The following SAMMSON variants were observed in gnomAD, a reference collection of about 807,000 sequenced individuals.
SAMMSON encodes survival associated mitochondrial melanoma specific oncogenic non-coding RNA, also known as long intergenic non-protein coding RNA 1212.
chr3:70,214,708 T>C (rs1388530425), intron 4 of SAMMSON, among the ~76,000 whole-genome samples: 1 of 151,958 alleles, frequency 6.6e-6, no homozygotes, highest in Non-Finnish European at 1.5e-5. Context: ...GTGATGTACT[T>C]TTATAGCTAG....
intron 4 of SAMMSON, among the ~76,000 whole-genome samples, chr3:70,165,406 A>C (rs984388793): frequency 6.6e-6 from 1 of 151,922 alleles, no homozygotes; most frequent in Non-Finnish European, 1.5e-5. Context: ...ATCCTTATAG[A>C]AGAGGCCCCA....
intron 3 of SAMMSON, among the ~76,000 whole-genome samples, chr3:70,055,151 G>T (rs2067162354): frequency 6.6e-6 from 1 of 151,994 alleles, no homozygotes; most frequent in East Asian, 1.9e-4. Flanking sequence ...ATGATCCAAG[G>T]GTTGGGGTGA....
chr3:70,331,799 C>G (rs893846640), intron 7 of SAMMSON, among the ~76,000 whole-genome samples: 15 of 152,166 alleles, frequency 9.9e-5, no homozygotes, highest in African/African-American at 3.1e-4. Flanking sequence ...TGATTCTATT[C>G]ACAGAAGACT....
intron 3 of SAMMSON, among the ~76,000 whole-genome samples, chr3:70,049,813 A>G (rs761515560): frequency 2.6e-5 from 4 of 152,120 alleles, no homozygotes; most frequent in Non-Finnish European, 5.9e-5. Flanking sequence ...CAGTCACTTT[A>G]TAAGTCCCTG....
At chr3:70,365,302 A>AGTGTGTATATACACACACATATATAT (rs1559573455) in intron 9 of SAMMSON, among the ~76,000 whole-genome samples, 9 of 151,146 alleles carry the variant, frequency 6.0e-5, no homozygotes, top group African/African-American at 1.9e-4. Flanking sequence ...TTGCCATTGG[A>AGTGTGTATATACACACACATATATAT]GTGTGTATAT....
intron 4 of SAMMSON, among the ~76,000 whole-genome samples, chr3:70,244,727 G>A (rs1039400793): frequency 1.3e-5 from 2 of 152,170 alleles, no homozygotes; most frequent in Admixed American, 1.3e-4. Context: ...GAATCATTAT[G>A]CTCTTATGAA....
intron 4 of SAMMSON, among the ~76,000 whole-genome samples, chr3:70,091,490 T>C (rs143400154): frequency 1.3e-5 from 2 of 152,196 alleles, no homozygotes; most frequent in African/African-American, 2.4e-5. Context: ...TTATGGCACA[T>C]TGATAATTCG....
chr3:70,215,870 A>T (rs1701402900), intron 4 of SAMMSON, among the ~76,000 whole-genome samples: 1 of 152,124 alleles, frequency 6.6e-6, no homozygotes, highest in Non-Finnish European at 1.5e-5. Flanking sequence ...AGGTTTTCTG[A>T]GTACATCCCA....
intron 3 of SAMMSON, among the ~76,000 whole-genome samples, chr3:70,059,049 T>C (rs1340716472): frequency 6.6e-6 from 1 of 152,090 alleles, no homozygotes. Flanking sequence ...TTCCAGAGCC[T>C]GGGCTATATC....
chr3:70,263,193 T>C (rs535420704), intron 6 of SAMMSON, among the ~76,000 whole-genome samples: 1 of 152,330 alleles, frequency 6.6e-6, no homozygotes. Flanking sequence ...TTTTTCCTTC[T>C]GGTTATGGAT....
At chr3:70,201,951 G>GGTGGT (rs1559533839) in intron 4 of SAMMSON, among the ~76,000 whole-genome samples, 1 of 152,156 alleles carries the variant, frequency 6.6e-6, no homozygotes, top group African/African-American at 2.4e-5. Context: ...CTTTGCTTTG[G>GGTGGT]GTGGTGTCTT....
At chr3:70,350,699 T>C (rs1253181365) in intron 7 of SAMMSON, among the ~76,000 whole-genome samples, 1 of 152,288 alleles carries the variant, frequency 6.6e-6, no homozygotes, top group African/African-American at 2.4e-5. Flanking sequence ...AGGAAGAAGA[T>C]GAAATGAATA....
At chr3:70,418,882 T>C (rs551183651) in intron 2 of SAMMSON, among the ~76,000 whole-genome samples, 1 of 152,144 alleles carries the variant, frequency 6.6e-6, no homozygotes, top group African/African-American at 2.4e-5. Flanking sequence ...CAGAAGGCTC[T>C]AATGGAACTC....
intron 3 of SAMMSON, among the ~76,000 whole-genome samples, chr3:70,029,336 G>A (rs1375213517): frequency 2.0e-5 from 3 of 152,122 alleles, no homozygotes. Context: ...CAATGGATGA[G>A]ACCAATGTGG....
At position 70,159,145 on chromosome 3, in the gene SAMMSON, T is replaced by C. The variant is rs140055879; in HGVS notation, n.507+87580T>C. Among the ~76,000 whole-genome samples, 116 of 152,238 alleles carry C rather than the reference T, an allele frequency of 7.6e-4. No individual in the cohort carries two copies. In the East Asian group the frequency reaches 0.021, roughly 27 times the overall value. Reference sequence around the variant, plus strand: ...GATACCCAAAATATATTTTCATACATGTAAGGTTTTTATCTTTTCCTTTTA... The same window carrying C: ...GATACCCAAAATATATTTTCATACACGTAAGGTTTTTATCTTTTCCTTTTA... On this transcript the variant is annotated intron_variant and non_coding_transcript_variant, in intron 4 of 9. Transcript: ENST00000642114.
chr3:70,172,828 C>G (rs1164529430), intron 4 of SAMMSON: 1 of 151,804 alleles, frequency 6.6e-6, no homozygotes, highest in African/African-American at 2.4e-5. Flanking sequence ...AATCTGAGTT[C>G]TTAATTTTAA....
chr3:70,062,847 G>A (rs1362529859), intron 3 of SAMMSON, among the ~76,000 whole-genome samples: 1 of 152,088 alleles, frequency 6.6e-6, no homozygotes, highest in East Asian at 1.9e-4. Flanking sequence ...ACCTGCAGCC[G>A]TGAGCTCAGT....
At chr3:70,138,845 G>A (rs2067516503) in intron 4 of SAMMSON, among the ~76,000 whole-genome samples, 1 of 152,074 alleles carries the variant, frequency 6.6e-6, no homozygotes, top group Admixed American at 6.6e-5. Context: ...AAATATAATG[G>A]TGGGAGAGCA....
At chr3:70,396,825 T>C (rs1021570802) in intron 2 of SAMMSON, among the ~76,000 whole-genome samples, 7 of 152,186 alleles carry the variant, frequency 4.6e-5, no homozygotes, top group African/African-American at 1.7e-4. Flanking sequence ...TCTCCAGTTA[T>C]TGTGTTGGGA....
Sources: gnomAD v4.1 joint callset for allele counts (sites outside exome capture counted in the v4.1 genomes callset) on GRCh38, gnomAD v4.1.1 for gene constraint, MANE v1.5 for transcripts, NCBI Gene and HGNC (gene_info 2026-07-23, HGNC 2026-07-21) for gene names.